The following NRXN1 variants were observed in gnomAD, a reference collection of about 807,000 sequenced individuals.
The protein encoded by NRXN1 is neurexin 1.
A neutral mutation model predicts 150.9 loss-of-function variants in NRXN1; 39 were observed. That is an observed-to-expected ratio of 0.26 (90% confidence interval 0.20 to 0.34). The LOEUF is 0.34. Among genes scored for constraint, NRXN1 ranks in the 10% least tolerant of loss-of-function variants. NRXN1 has a pLI of 1.00. For synonymous variants in NRXN1, 924 were observed against 757.0 expected, an observed-to-expected ratio of 1.22 and a Z score of -3.62; for missense variants, 1,815 against 1,949.9, an observed-to-expected ratio of 0.93 and a Z score of 1.30.
At chr2:50,705,730 T>A (rs546460799) in intron 5 of NRXN1, among the ~76,000 whole-genome samples, 2 of 152,272 alleles carry the variant, frequency 1.3e-5, no homozygotes, top group East Asian at 3.9e-4. Context: ...AGTACTTCCA[T>A]CCACACAAGT....
intron 5 of NRXN1, among the ~76,000 whole-genome samples, chr2:50,794,994 T>C (rs147150315): frequency 1.3e-5 from 2 of 152,256 alleles, no homozygotes; most frequent in Non-Finnish European, 2.9e-5. Flanking sequence ...ACTATATTTT[T>C]TCCAAGCCTT....
chr2:50,428,370 G>A (rs940836745), intron 17 of NRXN1, among the ~76,000 whole-genome samples: 8 of 152,258 alleles, frequency 5.3e-5, no homozygotes, highest in East Asian at 1.9e-4. Flanking sequence ...AGCCATGATT[G>A]TACCACTGCA....
intron 18 of NRXN1, among the ~76,000 whole-genome samples, chr2:50,140,726 A>C (rs931272507): frequency 3.3e-5 from 5 of 151,784 alleles, no homozygotes; most frequent in African/African-American, 1.2e-4. Flanking sequence ...CTGATTTTCA[A>C]ATGTTGGCAA....
chr2:50,488,097 AC>A (rs1218551482), intron 15 of NRXN1, among the ~76,000 whole-genome samples: 1 of 151,822 alleles, frequency 6.6e-6, no homozygotes, highest in African/African-American at 2.4e-5. Flanking sequence ...CCCTATCCTC[AC>A]CCCCTACTCC....
chr2:50,956,088 G>A (rs780138672), intron 2 of NRXN1, among the ~76,000 whole-genome samples: 3 of 151,918 alleles, frequency 2.0e-5, no homozygotes, highest in South Asian at 4.1e-4. Context: ...AGGCTAATAC[G>A]GTTGTCTCCC....
rs964381557 is a variant in NRXN1, at chr2:49,982,058, T to C, written c.4129-38267A>G. 3.3e-5 allele frequency among the ~76,000 whole-genome samples: 5 copies of C among 152,124 alleles called. No individual in the cohort carries two copies. The East Asian group carries it at 9.6e-4, about 29-fold the overall frequency. On this transcript the variant is annotated intron_variant, in intron 21 of 22. Coordinates refer to ENST00000401669, the MANE Select transcript of NRXN1 (RefSeq NM_001330078.2). ...TATTTGAGACACACACTCTCCAATG[T>C]ACATAAAGTCAAGAACCAGATTCTT...
chr2:50,586,742 G>A (rs980230432), intron 8 of NRXN1, among the ~76,000 whole-genome samples: 1 of 152,116 alleles, frequency 6.6e-6, no homozygotes, highest in Non-Finnish European at 1.5e-5. Context: ...GAAGGGGTTG[G>A]AAAACATAGA....
At chr2:50,357,306 T>TTTATTTATTTATTTA (rs1558590722) in intron 17 of NRXN1, among the ~76,000 whole-genome samples, 44 of 131,420 alleles carry the variant, frequency 3.3e-4, no homozygotes, top group African/African-American at 4.7e-4. Context: ...TTATTTATTT[T>TTTATTTATTTATTTA]TTTTTTTATT....
At chr2:50,156,007 A>G (rs2058996488) in intron 18 of NRXN1, among the ~76,000 whole-genome samples, 1 of 151,760 alleles carries the variant, frequency 6.6e-6, no homozygotes, top group Non-Finnish European at 1.5e-5. Context: ...ATGCAAATAA[A>G]TACATCTAGA....
intron 17 of NRXN1, among the ~76,000 whole-genome samples, chr2:50,445,927 C>T (rs1308027897): frequency 6.6e-6 from 1 of 152,054 alleles, no homozygotes; most frequent in African/African-American, 2.4e-5. Flanking sequence ...GGTCCTGAAA[C>T]ATGGTATTGA....
At position 50,252,843 on chromosome 2, in the gene NRXN1, G is replaced by A. The variant is rs1303202869; in HGVS notation, c.3365-15873C>T. Among the ~76,000 whole-genome samples, 8 of 152,222 alleles carry A rather than the reference G, an allele frequency of 5.3e-5. No homozygotes were observed. In the East Asian group the frequency reaches 7.7e-4, roughly 15 times the overall value. On this transcript the variant is annotated intron_variant, in intron 17 of 22. Coordinates refer to ENST00000401669, the MANE Select transcript of NRXN1 (RefSeq NM_001330078.2). The stretch of plus-strand genomic sequence containing the variant: ...GTAGTATAGTTTAAAGTCAGGTAAC[G>A]TGATGCCTCCAGGTTTATTCTCTTC...
intron 18 of NRXN1, among the ~76,000 whole-genome samples, chr2:50,233,164 C>T (rs1020486276): frequency 3.9e-5 from 6 of 151,940 alleles, no homozygotes; most frequent in Non-Finnish European, 8.8e-5. Context: ...TTATTGAGCA[C>T]TCATATTCTA....
At chr2:50,785,481 C>T (rs1247020367) in intron 5 of NRXN1, among the ~76,000 whole-genome samples, 1 of 151,986 alleles carries the variant, frequency 6.6e-6, no homozygotes, top group Non-Finnish European at 1.5e-5. Context: ...ATTCCCTGAC[C>T]TCATGGTCCG....
intron 17 of NRXN1, among the ~76,000 whole-genome samples, chr2:50,337,045 T>G (rs1016280086): frequency 2.0e-5 from 3 of 151,972 alleles, no homozygotes; most frequent in African/African-American, 7.2e-5. Flanking sequence ...GACAGCATAA[T>G]GTAGAGGTTA....
intron 5 of NRXN1, among the ~76,000 whole-genome samples, chr2:50,864,505 T>C (rs973293117): frequency 4.6e-5 from 7 of 152,010 alleles, no homozygotes; most frequent in African/African-American, 1.7e-4. Context: ...TAACAACCAT[T>C]GTCATTTATT....
At chr2:50,317,407 C>G (rs1022277410) in intron 17 of NRXN1, among the ~76,000 whole-genome samples, 7 of 151,766 alleles carry the variant, frequency 4.6e-5, no homozygotes, top group African/African-American at 1.7e-4. Context: ...TAAATGATAA[C>G]TAGATTTACA....
At chr2:50,805,148 A>G (rs1451365286) in intron 5 of NRXN1, among the ~76,000 whole-genome samples, 2 of 152,166 alleles carry the variant, frequency 1.3e-5, no homozygotes, top group African/African-American at 4.8e-5. Flanking sequence ...ATCCAAATGT[A>G]TCTTTCATTG....
In NRXN1 at chr2:50,955,487, T is replaced by C. The variant is rs185844118; in HGVS notation, c.773-29532A>G. Among the ~76,000 whole-genome samples, 888 of 152,338 alleles carry C rather than the reference T, an allele frequency of 5.8e-3. 2 individuals are homozygous for C. Among genetic ancestry groups the C allele is most frequent in the Admixed American group, 0.013 (192 of 15,294 alleles). ...TTTTTAAAAAGTGACATTGAAAATA[T>C]GGCAGCTTAAAAGTAAATTTTATTA... is the stretch of plus-strand genomic sequence containing the variant. On this transcript the variant is annotated intron_variant, in intron 2 of 22. Transcript: ENST00000401669.
chr2:50,231,009 C>G (rs1248674420), intron 18 of NRXN1, among the ~76,000 whole-genome samples: 1 of 151,898 alleles, frequency 6.6e-6, no homozygotes, highest in African/African-American at 2.4e-5. Context: ...CACATGTTCT[C>G]TAATTCATAT....
Sources: gnomAD v4.1 joint callset for allele counts (sites outside exome capture counted in the v4.1 genomes callset) on GRCh38, gnomAD v4.1.1 for gene constraint, MANE v1.5 for transcripts, NCBI Gene and HGNC (gene_info 2026-07-23, HGNC 2026-07-21) for gene names.